Variants in PTPRK observed in about 807,000 individuals in gnomAD.
The protein encoded by PTPRK is protein tyrosine phosphatase receptor type K, also known as receptor-type tyrosine-protein phosphatase kappa.
In PTPRK, 75 loss-of-function variants were observed where a neutral mutation model predicts 178.0. That is an observed-to-expected ratio of 0.42 (90% CI 0.35 to 0.51). PTPRK has a LOEUF of 0.51. PTPRK is among the 20% of genes least tolerant of loss of function. The probability of loss-of-function intolerance (pLI) is 0.02; values close to 1 mark genes in which losing one functional copy is unlikely to be tolerated. For missense variants in PTPRK, 1,441 were observed against 1,797.8 expected (o/e 0.80, Z 3.59); for synonymous variants, 637 against 620.6 (o/e 1.03, Z -0.39).
rs142261652 is a variant in PTPRK, at chr6:128,391,688, T to C, written c.223+5878A>G. Among the ~76,000 whole-genome samples, 775 of 152,202 alleles carry C rather than the reference T, an allele frequency of 5.1e-3. 7 individuals are homozygous for C. The highest frequency in any genetic ancestry group is 0.018 in the African/African-American group (751 of 41,538). Reference sequence around the variant, plus strand: ...GTGATCCACTACTTTTAGTAACTGATCACTGTTCCCAGAGAGAAAGAAAGC... The same window carrying C: ...GTGATCCACTACTTTTAGTAACTGACCACTGTTCCCAGAGAGAAAGAAAGC... On this transcript the variant is annotated intron_variant, in intron 2 of 29. Coordinates refer to ENST00000368226, the MANE Select transcript of PTPRK (RefSeq NM_002844.4).
chr6:128,106,701 A>G (rs1187284261), intron 7 of PTPRK, among the ~76,000 whole-genome samples: 4 of 152,190 alleles, frequency 2.6e-5, no homozygotes, highest in Non-Finnish European at 5.9e-5. Context: ...TTCTCAATAT[A>G]TCATTTAACA....
At chr6:128,335,477 C>A (rs975479040) in intron 2 of PTPRK, among the ~76,000 whole-genome samples, 3 of 143,562 alleles carry the variant, frequency 2.1e-5, no homozygotes, top group African/African-American at 2.6e-5. Context: ...CTGGGCATAG[C>A]AAAATGAAGA....
intron 27 of PTPRK, among the ~76,000 whole-genome samples, chr6:127,976,186 GA>G (rs1774564626): frequency 6.6e-6 from 1 of 152,188 alleles, no homozygotes; most frequent in Non-Finnish European, 1.5e-5. Flanking sequence ...AATCAATAAT[GA>G]ACTTGGAACA....
At chr6:128,104,795 T>A (rs964640143) in intron 7 of PTPRK, among the ~76,000 whole-genome samples, 2 of 152,166 alleles carry the variant, frequency 1.3e-5, no homozygotes, top group Non-Finnish European at 2.9e-5. Flanking sequence ...ACCCTTAACA[T>A]GGTTTAATGC....
chr6:127,982,698 AAG>A (rs2114634300), intron 24 of PTPRK, 131 bp downstream of exon 24: 1 of 663,114 alleles, frequency 1.5e-6, no homozygotes, highest in South Asian at 2.8e-5. Flanking sequence ...TGTATAATGA[AAG>A]AGATACGTAT....
chr6:128,299,968 A>G (rs1250821817), intron 3 of PTPRK, among the ~76,000 whole-genome samples: 1 of 152,088 alleles, frequency 6.6e-6, no homozygotes, highest in East Asian at 1.9e-4. Context: ...TTCGCAACCT[A>G]CTCATCTGAC....
chr6:128,169,326 A>T (rs1020866386), intron 7 of PTPRK, among the ~76,000 whole-genome samples: 1 of 152,090 alleles, frequency 6.6e-6, no homozygotes, highest in Non-Finnish European at 1.5e-5. Context: ...ATTTTAACAT[A>T]TACAATAAAA....
At chr6:128,118,639 A>G (rs537836752) in intron 7 of PTPRK, among the ~76,000 whole-genome samples, 6 of 152,300 alleles carry the variant, frequency 3.9e-5, no homozygotes, top group Middle Eastern at 3.4e-3. Flanking sequence ...AGACAAAATG[A>G]TGACATCAGC....
chr6:128,134,877 G>A (rs1302664945), intron 7 of PTPRK, among the ~76,000 whole-genome samples: 2 of 152,016 alleles, frequency 1.3e-5, no homozygotes, highest in East Asian at 3.9e-4. Context: ...CCTCCATAAC[G>A]TGGGTGAACC....
chr6:128,492,549 C>T (rs1463332980), intron 1 of PTPRK, among the ~76,000 whole-genome samples: 2 of 151,950 alleles, frequency 1.3e-5, no homozygotes, highest in African/African-American at 2.4e-5. Context: ...CTCATATGGC[C>T]CCAAGAGAAG....
At chr6:128,332,704 C>A (rs1830435660) in intron 2 of PTPRK, among the ~76,000 whole-genome samples, 1 of 152,202 alleles carries the variant, frequency 6.6e-6, no homozygotes, top group African/African-American at 2.4e-5. Context: ...CCTTTCTTAA[C>A]CCTTCCCTTC....
intron 2 of PTPRK, among the ~76,000 whole-genome samples, chr6:128,325,561 T>TA (rs567499243): frequency 6.1e-4 from 88 of 145,184 alleles, no homozygotes; most frequent in African/African-American, 1.7e-3. Flanking sequence ...CCAACAAACA[T>TA]AAAAAAAAAG....
intron 1 of PTPRK, among the ~76,000 whole-genome samples, chr6:128,443,909 C>T (rs1374426524): frequency 6.6e-6 from 1 of 152,048 alleles, no homozygotes; most frequent in Admixed American, 6.5e-5. Context: ...CTGGAGTGCA[C>T]TGGCACGCTC....
chr6:128,009,070 G>A (rs979840280), intron 14 of PTPRK, 60 bp downstream of exon 14: 7 of 1,453,110 alleles, frequency 4.8e-6, no homozygotes, highest in Non-Finnish European at 6.5e-6. Context: ...AGAAAAACAG[G>A]TTTTTAAAAC....
chr6:128,024,085 C>T (rs1460792332), intron 13 of PTPRK, among the ~76,000 whole-genome samples: 4 of 152,224 alleles, frequency 2.6e-5, no homozygotes, highest in Non-Finnish European at 2.9e-5. Context: ...TTAACATACC[C>T]GCACAATTCA....
chr6:128,108,069 A>AACACAC (rs67513455), intron 7 of PTPRK, among the ~76,000 whole-genome samples: 1,758 of 133,814 alleles, frequency 0.013, 12 homozygotes, highest in African/African-American at 0.019. Flanking sequence ...TAAATAGCAA[A>AACACAC]ACACACACAC....
At chr6:128,081,843 AC>A (rs1257786048) in intron 10 of PTPRK, among the ~76,000 whole-genome samples, 9 of 152,102 alleles carry the variant, frequency 5.9e-5, no homozygotes, top group African/African-American at 2.2e-4. Flanking sequence ...AGCTCTGTAA[AC>A]AATCTAGTCA....
chr6:128,087,740 G>C (rs1179934084), intron 8 of PTPRK, among the ~76,000 whole-genome samples: 1 of 152,048 alleles, frequency 6.6e-6, no homozygotes, highest in East Asian at 1.9e-4. Flanking sequence ...TCTTAAATAA[G>C]TCTTAGGTTT....
chr6:128,002,393 G>A (rs1037399845), intron 15 of PTPRK, among the ~76,000 whole-genome samples: 17 of 151,800 alleles, frequency 1.1e-4, no homozygotes, highest in South Asian at 1.0e-3. Flanking sequence ...AACTAGAAAC[G>A]CTGGTAAAAT....
Sources: gnomAD v4.1 joint callset for allele counts (sites outside exome capture counted in the v4.1 genomes callset) on GRCh38, gnomAD v4.1.1 for gene constraint, MANE v1.5 for transcripts, NCBI Gene and HGNC (gene_info 2026-07-23, HGNC 2026-07-21) for gene names.